The following CFAP20DC variants were observed in gnomAD, a reference collection of about 807,000 sequenced individuals.
CFAP20DC encodes the protein protein CFAP20DC.
A neutral mutation model predicts 101.7 loss-of-function variants in CFAP20DC; 84 were observed. The ratio of observed to expected loss-of-function variants is 0.83; its 90% CI spans 0.69 to 0.99. CFAP20DC has a LOEUF of 0.99. CFAP20DC is among the 50% of genes least tolerant of loss of function. The pLI is 0.00. For missense variants in CFAP20DC, 1,007 were observed against 970.3 expected, an observed-to-expected ratio of 1.04 and a Z score of -0.50; for synonymous variants, 359 against 351.2, an observed-to-expected ratio of 1.02 and a Z score of -0.25.
intron 11 of CFAP20DC, among the ~76,000 whole-genome samples, chr3:58,866,136 A>T (rs959247936): frequency 1.3e-5 from 2 of 152,186 alleles, no homozygotes; most frequent in Non-Finnish European, 2.9e-5. Context: ...ACCACAAACA[A>T]TTTTCATTTA....
chr3:58,999,451 A>G (rs1576651704), intron 4 of CFAP20DC, among the ~76,000 whole-genome samples: 1 of 152,312 alleles, frequency 6.6e-6, no homozygotes, highest in South Asian at 2.1e-4. Flanking sequence ...ATGTAACAAG[A>G]GTCACATATC....
At chr3:58,942,679 G>T (rs2088787846) in intron 4 of CFAP20DC, among the ~76,000 whole-genome samples, 2 of 152,176 alleles carry the variant, frequency 1.3e-5, no homozygotes, top group Non-Finnish European at 1.5e-5. Flanking sequence ...AGCTGCAGGA[G>T]TCTTTTTTCG....
intron 4 of CFAP20DC, among the ~76,000 whole-genome samples, chr3:59,009,857 A>C (rs1231934231): frequency 1.3e-5 from 2 of 152,088 alleles, no homozygotes; most frequent in African/African-American, 4.8e-5. Context: ...AAAACCTATA[A>C]AGTTTCTAGC....
intron 16 of CFAP20DC, among the ~76,000 whole-genome samples, chr3:58,744,585 T>C (rs568762832): frequency 1.4e-4 from 22 of 152,206 alleles, no homozygotes; most frequent in South Asian, 6.2e-4. Flanking sequence ...GGCAAACAGT[T>C]CAATAAGTCC....
intron 4 of CFAP20DC, among the ~76,000 whole-genome samples, chr3:59,009,020 A>C (rs1212027253): frequency 6.6e-6 from 1 of 152,174 alleles, no homozygotes. Context: ...ACTCACCAGC[A>C]TTGGGGAAAG....
In CFAP20DC at chr3:58,943,332, C is replaced by T. The variant is rs920337968; in HGVS notation, c.279-5570G>A. On this transcript the variant is annotated intron_variant, in intron 4 of 16. Coordinates refer to ENST00000482387, the MANE Select transcript of CFAP20DC (RefSeq NM_001394063.1). ...CGTCATACAGGAGAGCTCTGCCTGG[C>T]GTCTGGCAGGTGCCCCTCTGGGATG... 3.9e-4 allele frequency among the ~76,000 whole-genome samples: 59 copies of T among 152,134 alleles called. 1 individual carries two copies. Among genetic ancestry groups the T allele is most frequent in the Non-Finnish European group, 4.3e-4 (29 of 68,014 alleles).
At chr3:58,858,704 T>G (rs1296597549) in intron 12 of CFAP20DC, among the ~76,000 whole-genome samples, 4 of 152,216 alleles carry the variant, frequency 2.6e-5, no homozygotes, top group Non-Finnish European at 5.9e-5. Context: ...ACATCTGCAA[T>G]ATTCAAAATA....
chr3:58,932,293 T>C lies in CFAP20DC; in HGVS notation c.393+5355A>G, dbSNP rs374978434. ...CTATGTGAAAAGACCAAATCTACGTTTGATTGGTGTACCTGAAAGTGATGG... is the reference window on the plus strand; with the variant it reads ...CTATGTGAAAAGACCAAATCTACGTCTGATTGGTGTACCTGAAAGTGATGG... On this transcript the variant is annotated intron_variant, in intron 5 of 16. Transcript: ENST00000482387. Among the ~76,000 whole-genome samples, 232 of 152,218 alleles carry C rather than the reference T, an allele frequency of 1.5e-3. 1 individual carries two copies. Among genetic ancestry groups the C allele is most frequent in the African/African-American group, 4.8e-3 (199 of 41,542 alleles).
chr3:58,931,537 C>T (rs938674185), intron 5 of CFAP20DC, among the ~76,000 whole-genome samples: 3 of 152,200 alleles, frequency 2.0e-5, no homozygotes, highest in African/African-American at 7.2e-5. Flanking sequence ...TAGGGGCAGA[C>T]TGACACTTCA....
In CFAP20DC at chr3:58,810,501, C is replaced by A. The variant is rs144833004; in HGVS notation, c.2176-4045G>T. Reference sequence around the variant, plus strand: ...AGAAAAGGCCTCTGACAAAATTCAACAACCCTCCATGCTAAAAACTCTCAA... The same window carrying A: ...AGAAAAGGCCTCTGACAAAATTCAAAAACCCTCCATGCTAAAAACTCTCAA... On this transcript the variant is annotated intron_variant, in intron 14 of 16. Transcript: ENST00000482387. 8.3e-4 allele frequency among the ~76,000 whole-genome samples: 126 copies of A among 152,240 alleles called. 1 individual carries two copies. Among genetic ancestry groups the A allele is most frequent in the African/African-American group, 2.9e-3 (119 of 41,536 alleles).
chr3:58,861,802 C>T lies in CFAP20DC; in HGVS notation c.1593+1756G>A, dbSNP rs1218183050. 4 of 985,302 alleles carry T rather than the reference C, an allele frequency of 4.1e-6. No homozygotes were observed. The highest frequency in any genetic ancestry group is 1.7e-5 in the African/African-American group (1 of 57,246). 61.0% of individuals were successfully genotyped at this position (985,302 alleles called of 1,614,324 possible). A position where few individuals can be genotyped will look rare whatever the true frequency, so the allele number is the denominator to read the frequency against. On this transcript the variant is annotated intron_variant, in intron 12 of 16. Coordinates refer to ENST00000482387, the MANE Select transcript of CFAP20DC (RefSeq NM_001394063.1). This position sits in a 1 kb window ranked among gnomAD's most constrained non-coding sequence, Gnocchi z 4.0. ...CACCACAGACTCTAGCCGTATGCTA[C>T]TGGTCACCTTGATGGGCATGGCACA... is the stretch of plus-strand genomic sequence containing the variant.
Position 58,862,526 on chromosome 3 carries a change from C to T in CFAP20DC, c.1593+1032G>A, listed in dbSNP as rs775973711. The T allele has an allele frequency of 7.8e-5, 77 of 985,276 alleles. No homozygotes were observed. The Middle Eastern group carries it at 1.5e-3, about 20-fold the overall frequency. The allele number at this position is 985,276 out of a possible 1,614,324, so 61.0% of individuals were successfully genotyped here. On this transcript the variant is annotated intron_variant, in intron 12 of 16. Transcript: ENST00000482387. ...AATATTGTGAAAAGACGATCCTCTA[C>T]GCGCTTTGCTGAAGAAACTCATTAA...
At chr3:58,816,482 G>A (rs1468032831) in intron 14 of CFAP20DC, among the ~76,000 whole-genome samples, 1 of 152,186 alleles carries the variant, frequency 6.6e-6, no homozygotes, top group African/African-American at 2.4e-5. Flanking sequence ...CACCTGGGAA[G>A]CGCAAGGGGT....
intron 6 of CFAP20DC, among the ~76,000 whole-genome samples, chr3:58,893,426 T>A (rs916829942): frequency 6.6e-6 from 1 of 152,228 alleles, no homozygotes; most frequent in Non-Finnish European, 1.5e-5. Context: ...TCTGTGTATG[T>A]GATGAATGAC....
chr3:58,842,502 TC>T (rs1324949770), intron 13 of CFAP20DC, among the ~76,000 whole-genome samples: 2 of 151,884 alleles, frequency 1.3e-5, no homozygotes. Context: ...CACACCTGGC[TC>T]GGAGGGTCCT....
In CFAP20DC at chr3:58,721,837, G is replaced by C. The variant is rs963925572; in HGVS notation, c.198-4209C>G. On this transcript the variant is annotated intron_variant, in intron 3 of 3. Transcript: ENST00000486145. This position sits in a 1 kb window ranked among gnomAD's most constrained non-coding sequence, Gnocchi z 5.2. ...AGGAATCCAAAGTGGAGACCACCAG[G>C]CTCTGGTCATGTTGGGGTTGATTTT... 4.6e-5 allele frequency among the ~76,000 whole-genome samples: 7 copies of C among 152,148 alleles called. No homozygotes were observed. The highest frequency in any genetic ancestry group is 1.3e-4 in the Admixed American group (2 of 15,280).
chr3:58,997,498 G>C (rs1170424447), intron 4 of CFAP20DC, among the ~76,000 whole-genome samples: 1 of 152,166 alleles, frequency 6.6e-6, no homozygotes, highest in East Asian at 1.9e-4. Flanking sequence ...AAAGACAAAG[G>C]CTGTACTAAT....
chr3:58,923,788 C>T (rs2085651914), intron 5 of CFAP20DC, among the ~76,000 whole-genome samples: 1 of 152,030 alleles, frequency 6.6e-6, no homozygotes, highest in Admixed American at 6.6e-5. Flanking sequence ...TTTAAAATTT[C>T]AAACAATTTC....
chr3:59,010,172 C>T (rs1032865717), intron 4 of CFAP20DC, among the ~76,000 whole-genome samples: 1 of 152,008 alleles, frequency 6.6e-6, no homozygotes, highest in African/African-American at 2.4e-5. Flanking sequence ...CTTTAGGCAA[C>T]AGCTAACATG....
Sources: gnomAD v4.1 joint callset for allele counts (sites outside exome capture counted in the v4.1 genomes callset) on GRCh38, gnomAD v4.1.1 for gene constraint, Gnocchi (gnomAD v3.1) non-coding constraint, MANE v1.5 for transcripts, NCBI Gene and HGNC (gene_info 2026-07-23, HGNC 2026-07-21) for gene names.